Variants in CHST11 observed in about 807,000 individuals in gnomAD.
The protein encoded by CHST11 is C4S-1.
Under a neutral mutation model 30.4 loss-of-function variants are expected in CHST11, and 9 were observed. That is an observed-to-expected ratio of 0.30 (90% confidence interval 0.18 to 0.52). CHST11 has a LOEUF of 0.52. Ranked by LOEUF, CHST11 falls within the 20% of genes least tolerant of loss-of-function variation. The pLI is 0.97. For missense variants in CHST11, 348 were observed against 460.6 expected (o/e 0.76, Z 2.24); for synonymous variants, 152 against 187.8 (o/e 0.81, Z 1.56).
chr12:104,485,416 C>G (rs2135963532), intron 1 of CHST11, among the ~76,000 whole-genome samples: 1 of 152,316 alleles, frequency 6.6e-6, no homozygotes, highest in Admixed American at 6.5e-5. Flanking sequence ...TATGCAACCC[C>G]ATGTCAGGAG....
chr12:104,753,076 A>G (rs930364262), intron 2 of CHST11, among the ~76,000 whole-genome samples: 1 of 152,178 alleles, frequency 6.6e-6, no homozygotes, highest in African/African-American at 2.4e-5. Context: ...TGAGTCACAC[A>G]CTCTGGCTCA....
At chr12:104,490,971 G>A (rs2037738779) in intron 1 of CHST11, among the ~76,000 whole-genome samples, 1 of 151,570 alleles carries the variant, frequency 6.6e-6, no homozygotes, top group Non-Finnish European at 1.5e-5. Context: ...CAACTTCAGA[G>A]CCCCTGCTGT....
At chr12:104,559,620 G>A (rs1340755166) in intron 1 of CHST11, among the ~76,000 whole-genome samples, 1 of 152,192 alleles carries the variant, frequency 6.6e-6, no homozygotes, top group East Asian at 1.9e-4. Context: ...GTGGGCGCCT[G>A]TAATCCCAGC....
At chr12:104,691,299 G>A (rs1346730210) in intron 2 of CHST11, among the ~76,000 whole-genome samples, 1 of 152,118 alleles carries the variant, frequency 6.6e-6, no homozygotes, top group African/African-American at 2.4e-5. Context: ...ACCAGGGAAG[G>A]GTGCCTAGAG....
rs55789725 is a variant in CHST11 at position 104,686,232 on chromosome 12, T to TAAAAAAAA, written c.205-70707_205-70700dup. The stretch of plus-strand genomic sequence containing the variant: ...GATCACAAAGGGAGAACTCACCTCT[T>TAAAAAAAA]AAAAAAAAAAAAAAAAAGACAACAT... On this transcript the variant is annotated intron_variant, in intron 2 of 2. Transcript: ENST00000303694. 1.4e-3 allele frequency among the ~76,000 whole-genome samples: 134 copies of TAAAAAAAA among 99,088 alleles called. 7 individuals are homozygous for TAAAAAAAA. The highest frequency in any genetic ancestry group is 6.5e-3 in the East Asian group (14 of 2,142). The allele number at this position is 99,088 out of a possible 152,430, so 65.0% of individuals were successfully genotyped here. A position where few individuals can be genotyped will look rare whatever the true frequency, so the allele number is the denominator to read the frequency against.
intron 1 of CHST11, among the ~76,000 whole-genome samples, chr12:104,515,487 A>G (rs1355750219): frequency 2.0e-5 from 3 of 152,210 alleles, no homozygotes; most frequent in Non-Finnish European, 2.9e-5. Context: ...TGAGGAAGAA[A>G]TCAAAGCTAG....
intron 2 of CHST11, among the ~76,000 whole-genome samples, chr12:104,658,128 C>A (rs1259981004): frequency 6.6e-6 from 1 of 152,238 alleles, no homozygotes; most frequent in African/African-American, 2.4e-5. Context: ...CCGCCCCCAA[C>A]CTGCAGTGCC....
At chr12:104,510,652 T>C (rs2135981036) in intron 1 of CHST11, among the ~76,000 whole-genome samples, 1 of 152,368 alleles carries the variant, frequency 6.6e-6, no homozygotes, top group East Asian at 1.9e-4. Flanking sequence ...TTGTACAGCA[T>C]GTCTTTCATA....
intron 2 of CHST11, among the ~76,000 whole-genome samples, chr12:104,633,111 G>A (rs1031619199): frequency 7.2e-5 from 11 of 152,200 alleles, no homozygotes; most frequent in South Asian, 2.1e-4. Flanking sequence ...GGGCTTTGCC[G>A]GGAAGCAGGA....
intron 2 of CHST11, among the ~76,000 whole-genome samples, chr12:104,618,219 C>T (rs376479201): frequency 3.0e-4 from 34 of 111,898 alleles, no homozygotes; most frequent in African/African-American, 1.1e-3. Context: ...TTCTTCTTTT[C>T]TTTTCTTTTT....
At chr12:104,601,442 G>A (rs533751968) in intron 1 of CHST11, among the ~76,000 whole-genome samples, 1 of 152,230 alleles carries the variant, frequency 6.6e-6, no homozygotes, top group South Asian at 2.1e-4. Flanking sequence ...CCAGTGGGAG[G>A]AGCCTCCTGG....
At chr12:104,633,707 G>C (rs539264920) in intron 2 of CHST11, among the ~76,000 whole-genome samples, 8 of 151,862 alleles carry the variant, frequency 5.3e-5, no homozygotes, top group Non-Finnish European at 1.2e-4. Context: ...GAGCCACACC[G>C]TGCCCAGCCT....
At chr12:104,671,411 G>C (rs1238142928) in intron 2 of CHST11, among the ~76,000 whole-genome samples, 2 of 152,152 alleles carry the variant, frequency 1.3e-5, no homozygotes, top group African/African-American at 2.4e-5. Flanking sequence ...GGGTTGTTAA[G>C]AATATTCGAT....
At chr12:104,505,779 C>T (rs2037899155) in intron 1 of CHST11, among the ~76,000 whole-genome samples, 1 of 152,124 alleles carries the variant, frequency 6.6e-6, no homozygotes, top group South Asian at 2.1e-4. Context: ...CCTTTCACTC[C>T]GTTATTATTT....
At chr12:104,573,703 A>T (rs888822795) in intron 1 of CHST11, among the ~76,000 whole-genome samples, 33 of 152,256 alleles carry the variant, frequency 2.2e-4, no homozygotes, top group African/African-American at 7.2e-4. Flanking sequence ...TTATACAAAA[A>T]TTAATTCAAG....
chr12:104,504,426 T>A (rs976429209), intron 1 of CHST11, among the ~76,000 whole-genome samples: 1 of 152,232 alleles, frequency 6.6e-6, no homozygotes, highest in Admixed American at 6.5e-5. Context: ...TTCTTCGATG[T>A]CACCTCAGTG....
At chr12:104,686,520 A>G (rs1209737949) in intron 2 of CHST11, among the ~76,000 whole-genome samples, 2 of 152,230 alleles carry the variant, frequency 1.3e-5, no homozygotes, top group African/African-American at 2.4e-5. Context: ...CCTGTTGGCT[A>G]TTTATTTAAA....
rs543606803 is a variant in CHST11 at position 104,470,440 on chromosome 12, T to C, written c.118+12911T>C. Among the ~76,000 whole-genome samples, 18 of 152,272 alleles carry C rather than the reference T, an allele frequency of 1.2e-4. No individual in the cohort carries two copies. In the South Asian group the frequency reaches 3.7e-3, roughly 32 times the overall value. ...CTCACTCACTATCATGAGAACAGCATGGGGGAAACCACCCCCATGATCCAA... is the reference window on the plus strand; with the variant it reads ...CTCACTCACTATCATGAGAACAGCACGGGGGAAACCACCCCCATGATCCAA... On this transcript the variant is annotated intron_variant, in intron 1 of 2. Coordinates refer to ENST00000303694, the MANE Select transcript of CHST11 (RefSeq NM_018413.6).
intron 1 of CHST11, among the ~76,000 whole-genome samples, chr12:104,465,462 T>C (rs1045395442): frequency 2.0e-5 from 3 of 152,170 alleles, no homozygotes; most frequent in African/African-American, 7.2e-5. Context: ...CCAATGTGGA[T>C]TTTTGTTTCT....
Sources: gnomAD v4.1 joint callset for allele counts (sites outside exome capture counted in the v4.1 genomes callset) on GRCh38, gnomAD v4.1.1 for gene constraint, MANE v1.5 for transcripts, NCBI Gene and HGNC (gene_info 2026-07-23, HGNC 2026-07-21) for gene names.